Variants in ENPP2 observed in about 807,000 individuals in gnomAD.
ENPP2 encodes the protein ectonucleotide pyrophosphatase/phosphodiesterase 2, also known as autotaxin.
ENPP2 carries 51 observed loss-of-function variants against 120.2 expected under a neutral mutation model. The observed-to-expected ratio is 0.42, with a 90% confidence interval of 0.34 to 0.54. The LOEUF (loss-of-function observed/expected upper bound fraction) is 0.54, where lower values mean the gene tolerates loss of function less well. Among genes scored for constraint, ENPP2 ranks in the 20% least tolerant of loss-of-function variants. ENPP2 has a pLI of 0.04. For synonymous variants in ENPP2, 365 were observed against 366.4 expected (o/e 1.00, Z 0.04); for missense variants, 920 against 1,066.5 (o/e 0.86, Z 1.91).
In ENPP2 at chr8:119,629,272, T is replaced by C. The variant is rs958178528; in HGVS notation, c.137-2552A>G. The stretch of plus-strand genomic sequence containing the variant: ...ATGTGTGTGTGGGTATGTGTATATA[T>C]GTATAAAATATACCATATATGTAAA... On this transcript the variant is annotated intron_variant, in intron 2 of 24. Transcript: ENST00000075322. Among the ~76,000 whole-genome samples the C allele has an allele frequency of 2.6e-5, 4 of 152,160 alleles. No individual in the cohort carries two copies. The South Asian group carries it at 8.3e-4, about 32-fold the overall frequency.
At position 119,638,539 on chromosome 8, in the gene ENPP2, A is replaced by G; in HGVS notation, c.34-12T>C. 1.4e-6 allele frequency: 2 copies of G among 1,476,006 alleles called. No homozygotes were observed. The highest frequency in any genetic ancestry group is 1.7e-5 in the Admixed American group (1 of 59,826). The allele number at this position is 1,476,006 out of a possible 1,614,324, so 91.4% of individuals were successfully genotyped here. ...AACAGGGATATTATCTAAGAGAATA[A>G]AGAGACCAAGTTGTCAAATACAGCT... is the stretch of plus-strand genomic sequence containing the variant. On this transcript the variant is annotated splice_polypyrimidine_tract_variant and intron_variant, in intron 1 of 24. Transcript: ENST00000075322.
intron 3 of ENPP2, 49 bp from the exon 4 acceptor site, chr8:119,621,568 G>T: frequency 1.3e-6 from 2 of 1,591,750 alleles, no homozygotes; most frequent in Non-Finnish European, 8.6e-7. Context: ...CTAACCAAAT[G>T]AAAGAAGCCA....
chr8:119,579,314 T>C (rs1264829429), intron 19 of ENPP2, among the ~76,000 whole-genome samples: 1 of 152,212 alleles, frequency 6.6e-6, no homozygotes, highest in Admixed American at 6.5e-5. Context: ...ACCATTGGTA[T>C]CATGTGCTCA....
intron 2 of ENPP2, among the ~76,000 whole-genome samples, chr8:119,637,528 T>G (rs1278330828): frequency 3.3e-5 from 5 of 152,170 alleles, no homozygotes; most frequent in Non-Finnish European, 7.3e-5. Flanking sequence ...TGGTCTTTCA[T>G]AACAATCAGA....
In ENPP2 at chr8:119,614,010, A is replaced by T. The variant is rs1297408222; in HGVS notation, c.777+2255T>A. On this transcript the variant is annotated intron_variant, in intron 8 of 24. Transcript: ENST00000075322. The stretch of plus-strand genomic sequence containing the variant: ...TGTCTATATGTTTTTCCAATATGCC[A>T]AATTTCAATAAAATGTGTTTTTAAA... 3.3e-5 allele frequency among the ~76,000 whole-genome samples: 5 copies of T among 152,012 alleles called. 1 individual carries two copies. The highest frequency in any genetic ancestry group is 3.3e-4 in the Admixed American group (5 of 15,254).
chr8:119,618,723 C>T lies in ENPP2; in HGVS notation c.479+521G>A, dbSNP rs553334883. Among the ~76,000 whole-genome samples, 14 of 151,308 alleles carry T rather than the reference C, an allele frequency of 9.3e-5. No homozygotes were observed. In the East Asian group the frequency reaches 1.9e-3, roughly 21 times the overall value. ...TTTTGTATTTTTTTTTTAGTAGAGGCGGGGTGTCACCATGTTGGCCAGGCT... is the reference window on the plus strand; with the variant it reads ...TTTTGTATTTTTTTTTTAGTAGAGGTGGGGTGTCACCATGTTGGCCAGGCT... On this transcript the variant is annotated intron_variant, in intron 5 of 24. Transcript: ENST00000075322.
chr8:119,666,174 A>C (rs961793008), intron 1 of ENPP2, among the ~76,000 whole-genome samples: 2 of 152,244 alleles, frequency 1.3e-5, no homozygotes, highest in African/African-American at 4.8e-5. Context: ...TAATATACTT[A>C]TCTCTAAATA....
At chr8:119,569,181 T>C (rs891160105) in intron 21 of ENPP2, 54 bp downstream of exon 21, 16 of 1,563,036 alleles carry the variant, frequency 1.0e-5, no homozygotes, top group East Asian at 4.6e-5. Flanking sequence ...AATACCAAGA[T>C]TGCACAATGT....
chr8:119,631,701 C>T (rs1350458051), intron 2 of ENPP2, among the ~76,000 whole-genome samples: 4 of 152,090 alleles, frequency 2.6e-5, no homozygotes, highest in Admixed American at 6.6e-5. Context: ...GGGTCTATTC[C>T]GTCCCAGCCA....
intron 9 of ENPP2, among the ~76,000 whole-genome samples, chr8:119,605,394 G>A (rs1814633879): frequency 6.6e-6 from 1 of 150,400 alleles, no homozygotes; most frequent in Non-Finnish European, 1.5e-5. Context: ...TTAGCTCATT[G>A]CATCTTTGCA....
Position 119,600,531 on chromosome 8 carries a change from A to C in ENPP2, c.972+147T>G, listed in dbSNP as rs895536146. Reference sequence around the variant, plus strand: ...CAGGTCGTTTTAAGATTTTTTAAAAAATTTTTAGTCTTGTAGTTATTTGAC... The same window carrying C: ...CAGGTCGTTTTAAGATTTTTTAAAACATTTTTAGTCTTGTAGTTATTTGAC... On this transcript the variant is annotated intron_variant, in intron 11 of 24. Coordinates refer to ENST00000075322, the MANE Select transcript of ENPP2 (RefSeq NM_001040092.3). 9.3e-6 allele frequency: 5 copies of C among 537,706 alleles called. No homozygotes were observed. In the African/African-American group the frequency reaches 9.6e-5, roughly 10 times the overall value. The allele number at this position is 537,706 out of a possible 1,614,324, so 33.3% of individuals were successfully genotyped here. A position where few individuals can be genotyped will look rare whatever the true frequency, so the allele number is the denominator to read the frequency against.
At chr8:119,631,980 G>A (rs908144682) in intron 2 of ENPP2, among the ~76,000 whole-genome samples, 2 of 152,110 alleles carry the variant, frequency 1.3e-5, no homozygotes, top group African/African-American at 4.8e-5. Context: ...TCATTTCCAG[G>A]CTCGCCCAAG....
rs1563664286 is a variant in ENPP2 at position 119,562,245 on chromosome 8, C to G, written c.2421+612G>C. ...ATCACTTGAGGTCAGGAGTTCAAGA[C>G]CAGCCTGACCAACATGGTGAAACCC... On this transcript the variant is annotated intron_variant, in intron 24 of 24. Transcript: ENST00000075322. Among the ~76,000 whole-genome samples the G allele has an allele frequency of 3.3e-5, 5 of 152,050 alleles. No individual in the cohort carries two copies. The South Asian group carries it at 1.0e-3, about 32-fold the overall frequency.
intron 20 of ENPP2, among the ~76,000 whole-genome samples, chr8:119,570,234 A>G (rs1178879520): frequency 6.9e-6 from 1 of 145,000 alleles, no homozygotes; most frequent in East Asian, 2.1e-4. Flanking sequence ...ATGCCACTGC[A>G]CTCCAGCCTG....
intron 19 of ENPP2, among the ~76,000 whole-genome samples, chr8:119,575,511 T>C (rs937812554): frequency 1.3e-5 from 2 of 152,178 alleles, no homozygotes; most frequent in Non-Finnish European, 2.9e-5. Context: ...AAAATGTATA[T>C]GAAAAGCAAA....
In ENPP2 at chr8:119,618,554, T is replaced by C. The variant is rs144289911; in HGVS notation, c.479+690A>G. On this transcript the variant is annotated intron_variant, in intron 5 of 24. Coordinates refer to ENST00000075322, the MANE Select transcript of ENPP2 (RefSeq NM_001040092.3). ...ATGTCCCACTGCCTTGGATGCCTTT[T>C]TTTTTTTTAGAGGGGGTCTCTTTCA... 6.3e-3 allele frequency: 1,984 copies of C among 313,270 alleles called. 36 individuals are homozygous for C. The highest frequency in any genetic ancestry group is 0.041 in the African/African-American group (1,878 of 45,376). The allele number at this position is 313,270 out of a possible 1,614,324, so 19.4% of individuals were successfully genotyped here. A position where few individuals can be genotyped will look rare whatever the true frequency, so the allele number is the denominator to read the frequency against.
At chr8:119,628,769 G>C (rs1816454259) in intron 2 of ENPP2, among the ~76,000 whole-genome samples, 1 of 152,226 alleles carries the variant, frequency 6.6e-6, no homozygotes, top group Admixed American at 6.5e-5. Flanking sequence ...CAAAACTAGA[G>C]ACGAGTGAGA....
intron 13 of ENPP2, 36 bp downstream of exon 13, chr8:119,590,469 C>T: frequency 6.6e-7 from 1 of 1,517,110 alleles, no homozygotes; most frequent in East Asian, 2.4e-5. Flanking sequence ...TTTGTATTAC[C>T]ACTCTAACCA....
At chr8:119,561,191 A>G (rs552863887) in intron 24 of ENPP2, among the ~76,000 whole-genome samples, 50 of 152,324 alleles carry the variant, frequency 3.3e-4, no homozygotes, top group African/African-American at 1.2e-3. Context: ...TCATAGCCTC[A>G]ATCTTCACCC....
Sources: allele counts gnomAD v4.1 joint callset (sites outside exome capture counted in the v4.1 genomes callset), GRCh38; gene constraint gnomAD v4.1.1; transcripts MANE v1.5; gene names NCBI Gene and HGNC (gene_info 2026-07-23, HGNC 2026-07-21).